Variants in LUZP2 observed in about 807,000 individuals in gnomAD.
LUZP2 encodes leucine zipper protein 2.
A neutral mutation model predicts 51.6 loss-of-function variants in LUZP2; 52 were observed. The observed-to-expected ratio is 1.01, with a 90% CI of 0.81 to 1.27. The LOEUF is 1.27. Ranked by LOEUF, LUZP2 falls within the 50% of genes most tolerant of loss-of-function variation. The pLI is 0.00. For missense variants in LUZP2, 436 were observed against 395.4 expected (o/e 1.10, Z -0.87); for synonymous variants, 154 against 137.3 (o/e 1.12, Z -0.85).
chr11:24,683,850 G>C (rs952443719), intron 1 of LUZP2, among the ~76,000 whole-genome samples: 3 of 151,772 alleles, frequency 2.0e-5, no homozygotes, highest in Admixed American at 6.6e-5. Context: ...TTGTCTGAAG[G>C]TTCAACTGGC....
At chr11:24,582,362 TAGAG>T (rs1852894636) in intron 1 of LUZP2, among the ~76,000 whole-genome samples, 1 of 128,092 alleles carries the variant, frequency 7.8e-6, no homozygotes, top group African/African-American at 3.0e-5. Context: ...TAGAAATAAA[TAGAG>T]AGATGAATAG....
intron 5 of LUZP2, among the ~76,000 whole-genome samples, chr11:24,797,355 T>C (rs1009890971): frequency 2.0e-5 from 3 of 152,194 alleles, no homozygotes; most frequent in Admixed American, 1.3e-4. Context: ...AGGAAGATGA[T>C]GAAGGCAATA....
chr11:24,835,100 C>T (rs1850822321), intron 5 of LUZP2, among the ~76,000 whole-genome samples: 1 of 151,928 alleles, frequency 6.6e-6, no homozygotes, highest in South Asian at 2.1e-4. Flanking sequence ...GATACTGGTA[C>T]CAAAACAGAT....
At position 24,906,069 on chromosome 11, in the gene LUZP2, CT is replaced by C. The variant is rs760763634; in HGVS notation, c.459+18del. 6.3e-7 allele frequency: 1 copy of C among 1,593,064 alleles called. No homozygotes were observed. The highest frequency in any genetic ancestry group is 1.3e-5 in the African/African-American group (1 of 74,606). ...CGCAGAAGAGGTGAGTAAATTTTTG[CT>C]TCTTCTAGCTTTAACCAGATAAAAA... On this transcript the variant is annotated intron_variant, in intron 6 of 11. Transcript: ENST00000336930.
chr11:24,984,542 ATATATAT>A (rs1856134739), intron 9 of LUZP2, among the ~76,000 whole-genome samples: 2 of 101,412 alleles, frequency 2.0e-5, no homozygotes, highest in Non-Finnish European at 3.7e-5. Context: ...ATATATATAT[ATATATAT>A]AATTGTGAAT....
intron 7 of LUZP2, among the ~76,000 whole-genome samples, chr11:24,938,979 A>C (rs898564535): frequency 2.0e-5 from 3 of 152,178 alleles, no homozygotes; most frequent in African/African-American, 7.2e-5. Flanking sequence ...AGCCCCAGCA[A>C]GGTGCTGAGT....
In LUZP2 at chr11:24,989,237, G is replaced by A. The variant is rs111800912; in HGVS notation, c.765+5944G>A. 2.6e-4 allele frequency among the ~76,000 whole-genome samples: 40 copies of A among 152,034 alleles called. 1 individual carries two copies. Among genetic ancestry groups the A allele is most frequent in the African/African-American group, 8.7e-4 (36 of 41,506 alleles). ...TTACTAGCCCTGTTGCATCACATGC[G>A]GGGGAAGTCACAGTTTAGCAAATGG... On this transcript the variant is annotated intron_variant, in intron 9 of 11. Transcript: ENST00000336930.
intron 1 of LUZP2, among the ~76,000 whole-genome samples, chr11:24,546,429 G>A (rs745604021): frequency 6.6e-6 from 1 of 151,934 alleles, no homozygotes; most frequent in Non-Finnish European, 1.5e-5. Context: ...TGCCATAAAT[G>A]GCTCCTATTA....
Position 24,606,663 on chromosome 11 carries a change from T to C in LUZP2, c.62+109358T>C, listed in dbSNP as rs117490727. Among the ~76,000 whole-genome samples, 1,512 of 152,176 alleles carry C rather than the reference T, an allele frequency of 9.9e-3. 13 individuals are homozygous for C. The highest frequency in any genetic ancestry group is 0.017 in the Middle Eastern group (5 of 294). On this transcript the variant is annotated intron_variant, in intron 1 of 11. Transcript: ENST00000336930. ...AGTGATTTTATTTCCTTTGTATGTA[T>C]GCCCAGAAGTAGAGATGCCACATCA...
At chr11:24,553,396 G>A (rs1177988057) in intron 1 of LUZP2, among the ~76,000 whole-genome samples, 1 of 151,890 alleles carries the variant, frequency 6.6e-6, no homozygotes, top group Non-Finnish European at 1.5e-5. Context: ...ATGTAAGGGC[G>A]TAAAGTATTT....
At chr11:24,878,751 C>T (rs974216528) in intron 5 of LUZP2, among the ~76,000 whole-genome samples, 1 of 151,792 alleles carries the variant, frequency 6.6e-6, no homozygotes, top group South Asian at 2.1e-4. Context: ...ATTGACCCGT[C>T]CTCTATGTTC....
chr11:25,029,897 G>A (rs1244585769), intron 9 of LUZP2, among the ~76,000 whole-genome samples: 1 of 150,902 alleles, frequency 6.6e-6, no homozygotes, highest in Non-Finnish European at 1.5e-5. Flanking sequence ...ATAAACAATT[G>A]CCATGTCAAT....
chr11:24,500,711 G>A (rs543115978), intron 1 of LUZP2, among the ~76,000 whole-genome samples: 8 of 152,138 alleles, frequency 5.3e-5, no homozygotes, highest in Non-Finnish European at 7.4e-5. Flanking sequence ...GACATGGCAG[G>A]GGAGGAGTGA....
intron 1 of LUZP2, among the ~76,000 whole-genome samples, chr11:24,537,239 G>C (rs1229689622): frequency 2.0e-5 from 3 of 151,878 alleles, no homozygotes; most frequent in Non-Finnish European, 4.4e-5. Context: ...GGCACTGATA[G>C]GCTTGCTTGA....
At chr11:24,614,288 A>G (rs925961293) in intron 1 of LUZP2, among the ~76,000 whole-genome samples, 1 of 151,914 alleles carries the variant, frequency 6.6e-6, no homozygotes, top group Non-Finnish European at 1.5e-5. Flanking sequence ...TTGTTAATCA[A>G]CTTCTTTGTA....
chr11:24,639,691 C>A (rs1228880579), intron 1 of LUZP2, among the ~76,000 whole-genome samples: 2 of 151,776 alleles, frequency 1.3e-5, no homozygotes, highest in East Asian at 3.9e-4. Context: ...CCTCATCTGA[C>A]CCACCCACCT....
intron 1 of LUZP2, among the ~76,000 whole-genome samples, chr11:24,621,893 C>G (rs1325850469): frequency 1.3e-5 from 2 of 151,894 alleles, no homozygotes; most frequent in Non-Finnish European, 2.9e-5. Flanking sequence ...TTTATAATTT[C>G]TCTTCTTTTT....
intron 1 of LUZP2, among the ~76,000 whole-genome samples, chr11:24,504,856 A>ATGAAGATG (rs1187329329): frequency 1.3e-5 from 2 of 152,166 alleles, no homozygotes; most frequent in African/African-American, 4.8e-5. Context: ...AATGGCTTTC[A>ATGAAGATG]TGAAGATGTG....
chr11:25,071,762 T>A (rs1292424911), intron 10 of LUZP2, among the ~76,000 whole-genome samples: 2 of 151,822 alleles, frequency 1.3e-5, no homozygotes, highest in Non-Finnish European at 2.9e-5. Context: ...GGCACATGTA[T>A]ACATATGTAA....
Sources: gnomAD v4.1 joint callset for allele counts (sites outside exome capture counted in the v4.1 genomes callset) on GRCh38, gnomAD v4.1.1 for gene constraint, MANE v1.5 for transcripts, NCBI Gene and HGNC (gene_info 2026-07-23, HGNC 2026-07-21) for gene names.